GEMIN5: variants seen among roughly 807,000 people sequenced by gnomAD.
The protein encoded by GEMIN5 is gem-associated protein 5.
A neutral mutation model predicts 176.9 loss-of-function variants in GEMIN5; 124 were observed. The ratio of observed to expected loss-of-function variants is 0.70; its 90% CI spans 0.61 to 0.81. GEMIN5 has a LOEUF of 0.81. Among genes scored for constraint, GEMIN5 ranks in the 40% least tolerant of loss-of-function variants. GEMIN5 has a pLI of 0.00. For missense variants in GEMIN5, 1,843 were observed against 1,814.6 expected (o/e 1.02, Z -0.28); for synonymous variants, 673 against 665.2 (o/e 1.01, Z -0.18).
intron 15 of GEMIN5, among the ~76,000 whole-genome samples, chr5:154,908,971 T>C (rs1457330820): frequency 1.3e-5 from 2 of 152,162 alleles, no homozygotes; most frequent in Admixed American, 1.3e-4. Flanking sequence ...TTTCTCTTTT[T>C]TGAGACAGGT....
At position 154,936,743 on chromosome 5, in the gene GEMIN5, T is replaced by C. The variant is rs545323521; in HGVS notation, c.327+282A>G. On this transcript the variant is annotated intron_variant, in intron 2 of 27. Transcript: ENST00000285873. ...GCCTGTTGCAACTACTCAACTCTTG[T>C]AGCATGAAAGCAGTCATAGACAATA... Among the ~76,000 whole-genome samples the C allele has an allele frequency of 1.5e-4, 23 of 152,342 alleles. No individual in the cohort carries two copies. The South Asian group carries it at 3.7e-3, about 25-fold the overall frequency.
At chr5:154,909,080 T>C (rs974040143) in intron 15 of GEMIN5, among the ~76,000 whole-genome samples, 2 of 152,014 alleles carry the variant, frequency 1.3e-5, no homozygotes. Context: ...TGCCTCAGCC[T>C]CTTGAATAGC....
chr5:154,920,012 T>A lies in GEMIN5; in HGVS notation c.1554A>T (p.Glu518Asp), dbSNP rs1763891446. ...LQHNPWKLSG[E>D]AFDINKLIRD... ...TGATGAGTTTGTTGATGTCAAAGGC[T>A]TCTCCACTAAGCTTCCAGGGATTAT... The change falls in exon 11 of 28, where the codon GAA (glutamate) becomes GAT (aspartate). Residue 518 changes from glutamate (E) to aspartate (D), a missense_variant. Transcript: ENST00000285873. 5 of 1,613,684 alleles carry A rather than the reference T, an allele frequency of 3.1e-6. No homozygotes were observed. In the East Asian group the frequency reaches 1.1e-4, roughly 36 times the overall value.
chr5:154,903,905 C>A (rs1169301541), intron 18 of GEMIN5, among the ~76,000 whole-genome samples: 1 of 151,986 alleles, frequency 6.6e-6, no homozygotes, highest in African/African-American at 2.4e-5. Flanking sequence ...CTCAAGTGAT[C>A]CTTCTGCTTC....
rs1454730966 is a variant in GEMIN5 at position 154,907,799 on chromosome 5, C to T, written c.2187G>A (p.Leu729=). The part of the protein sequence containing the change: ...RPPQGKKSIE[L]EKKRLSQPKA... ...TAGGTTGAGAGAGCCGTTTTTTCTC[C>T]AATTCAATACTTTTTTTGCCTACAA... The change falls in exon 16 of 28, where the codon TTG becomes TTA. Residue 729 remains leucine (L), a synonymous_variant. Coordinates refer to ENST00000285873, the MANE Select transcript of GEMIN5 (RefSeq NM_015465.5). 4 of 1,612,934 alleles carry T rather than the reference C, an allele frequency of 2.5e-6. No individual in the cohort carries two copies. The South Asian group carries it at 4.4e-5, about 18-fold the overall frequency.
intron 11 of GEMIN5, among the ~76,000 whole-genome samples, chr5:154,918,453 T>C (rs1046116334): frequency 6.6e-6 from 1 of 152,160 alleles, no homozygotes; most frequent in African/African-American, 2.4e-5. Flanking sequence ...CTCTTGTTAA[T>C]TGTCTCTTTA....
chr5:154,928,614 C>A lies in GEMIN5; in HGVS notation c.827G>T (p.Gly276Val), dbSNP rs764676143. The A allele has an allele frequency of 6.2e-6, 10 of 1,613,564 alleles. No individual in the cohort carries two copies. In the East Asian group the frequency reaches 1.6e-4, roughly 25 times the overall value. ...GCGCTCTTTAACAGTTGGGTCTATA[C>A]CCCCTCCTCTTCTCTTCAGAAAGGG... is the stretch of plus-strand genomic sequence containing the variant. ...KLPFLKRRGG[G>V]IDPTVKERLW... is the part of the protein sequence containing the mutation. Residue 276 changes from glycine to valine, a missense_variant, in exon 6 of 28, where the codon GGT (glycine) becomes GTT (valine). Physicochemically the swap from Gly to Val is moderately radical, Grantham distance 109 (BLOSUM62 -3). Coordinates refer to ENST00000285873, the MANE Select transcript of GEMIN5 (RefSeq NM_015465.5).
At chr5:154,915,736 G>A (rs1337560901) in intron 13 of GEMIN5, among the ~76,000 whole-genome samples, 1 of 152,138 alleles carries the variant, frequency 6.6e-6, no homozygotes, top group African/African-American at 2.4e-5. Context: ...AATCAAACAC[G>A]GGAATGAGGT....
chr5:154,911,935 T>C, intron 14 of GEMIN5, 37 bp from the exon 15 acceptor site: 1 of 1,590,826 alleles, frequency 6.3e-7, no homozygotes, highest in Non-Finnish European at 8.6e-7. Context: ...AGACATTTTC[T>C]GGTTATTCTA....
Position 154,917,154 on chromosome 5 carries a change from T to C in GEMIN5, c.1699A>G (p.Asn567Asp). 2.7e-6 allele frequency: 4 copies of C among 1,504,548 alleles called. No individual in the cohort carries two copies. Among genetic ancestry groups the C allele is most frequent in the Non-Finnish European group, 3.6e-6 (4 of 1,111,554 alleles). 93.2% of individuals were successfully genotyped at this position (1,504,548 alleles called of 1,614,324 possible). Residue 567 changes from asparagine to aspartate, a missense_variant, in exon 13 of 28, where the codon AAC becomes GAC. Transcript: ENST00000285873. ...DGSIEIFQIP[N>D]LKLICTIQQH... ...TGGATAGTACAGATCAGTTTCAGGT[T>C]GGGAATCTGAAATATTTCTATTGAT...
chr5:154,918,767 G>C (rs1763861394), intron 11 of GEMIN5, among the ~76,000 whole-genome samples: 1 of 152,146 alleles, frequency 6.6e-6, no homozygotes, highest in South Asian at 2.1e-4. Context: ...ATTTGGGCTG[G>C]GCATGGTGGC....
chr5:154,896,830 G>T (rs1474513211), intron 23 of GEMIN5, among the ~76,000 whole-genome samples: 1 of 152,204 alleles, frequency 6.6e-6, no homozygotes, highest in Non-Finnish European at 1.5e-5. Flanking sequence ...AATAGAGGAA[G>T]CTGGCTGGGA....
chr5:154,907,602 A>T lies in GEMIN5; in HGVS notation c.2384T>A (p.Leu795His). ...QAREPELPCG[L>H]APAVSREPVI... Reference sequence around the variant, plus strand: ...ATTCTGCCACATACCCGCTGGAGCAAGGCCACAGGGTAATTCCGGCTCCCG... The same window carrying T: ...ATTCTGCCACATACCCGCTGGAGCATGGCCACAGGGTAATTCCGGCTCCCG... The change falls in exon 16 of 28, where the codon CTT becomes CAT. Residue 795 changes from leucine to histidine, a missense_variant. Coordinates refer to ENST00000285873, the MANE Select transcript of GEMIN5 (RefSeq NM_015465.5). 6.2e-7 allele frequency: 1 copy of T among 1,612,458 alleles called. No individual in the cohort carries two copies. The highest frequency in any genetic ancestry group is 1.1e-5 in the South Asian group (1 of 91,024).
intron 13 of GEMIN5, 147 bp from the exon 14 acceptor site, chr5:154,913,185 T>A: frequency 3.0e-6 from 2 of 660,448 alleles, no homozygotes; most frequent in South Asian, 4.4e-5. Flanking sequence ...GGAGTTTCGC[T>A]CTTGTTGCTC....
intron 13 of GEMIN5, 48 bp downstream of exon 13, chr5:154,916,950 T>C: frequency 1.0e-6 from 1 of 986,794 alleles, no homozygotes; most frequent in African/African-American, 1.6e-5. Context: ...GAATGGAAAG[T>C]AGCTGAACAA....
chr5:154,920,182 C>T, intron 10 of GEMIN5, 79 bp from the exon 11 acceptor site: 8 of 1,049,128 alleles, frequency 7.6e-6, no homozygotes, highest in Non-Finnish European at 1.1e-5. Flanking sequence ...ATGACCATAC[C>T]ATACTACATA....
At position 154,931,442 on chromosome 5, in the gene GEMIN5, GA is replaced by G; in HGVS notation, c.781+15del. On this transcript the variant is annotated intron_variant, in intron 5 of 27. Transcript: ENST00000285873. ...GATCAACATAGGTTACATCACAAAA[GA>G]AAGATCAATCTTACCTCGGCCTCTA... The G allele has an allele frequency of 6.3e-7, 1 of 1,594,860 alleles. No homozygotes were observed. The highest frequency in any genetic ancestry group is 8.6e-7 in the Non-Finnish European group (1 of 1,166,622).
At chr5:154,912,117 G>C (rs954862420) in intron 14 of GEMIN5, among the ~76,000 whole-genome samples, 3 of 152,116 alleles carry the variant, frequency 2.0e-5, no homozygotes, top group African/African-American at 7.2e-5. Flanking sequence ...CATTTCTACG[G>C]GGATGATTTT....
Position 154,936,036 on chromosome 5 carries a change from C to CAA in GEMIN5, c.328-16_328-15dup, listed in dbSNP as rs1561732604. On this transcript the variant is annotated splice_polypyrimidine_tract_variant and intron_variant, in intron 2 of 27. Coordinates refer to ENST00000285873, the MANE Select transcript of GEMIN5 (RefSeq NM_015465.5). ...TGATATCGTATGCTTTAAAACAAAA[C>CAA]AAAAATTTGTTATTGTCAATGCTGA... The CAA allele has an allele frequency of 6.5e-7, 1 of 1,530,706 alleles. No individual in the cohort carries two copies. Among genetic ancestry groups the CAA allele is most frequent in the South Asian group, 1.2e-5 (1 of 82,628 alleles). The allele number at this position is 1,530,706 out of a possible 1,614,324, so 94.8% of individuals were successfully genotyped here.
Sources: gnomAD v4.1 joint callset for allele counts (sites outside exome capture counted in the v4.1 genomes callset) on GRCh38, gnomAD v4.1.1 for gene constraint, MANE v1.5 for transcripts, NCBI Gene and HGNC (gene_info 2026-07-23, HGNC 2026-07-21) for gene names.